CEP128: variants seen among roughly 807,000 people sequenced by gnomAD.
The protein encoded by CEP128 is centrosomal protein 128, also known as centrosomal protein 128kDa.
Under a neutral mutation model 156.7 loss-of-function variants are expected in CEP128, and 132 were observed. The ratio of observed to expected loss-of-function variants is 0.84; its 90% CI spans 0.73 to 0.97. CEP128 has a LOEUF of 0.97. CEP128 is among the 50% of genes least tolerant of loss of function. CEP128 has a pLI of 0.00. For synonymous variants in CEP128, 469 were observed against 448.9 expected, an observed-to-expected ratio of 1.04 and a Z score of -0.57; for missense variants, 1,252 against 1,281.9, an observed-to-expected ratio of 0.98 and a Z score of 0.36.
At chr14:80,664,302 A>G (rs1245379747) in intron 19 of CEP128, among the ~76,000 whole-genome samples, 4 of 152,120 alleles carry the variant, frequency 2.6e-5, no homozygotes, top group Non-Finnish European at 4.4e-5. Context: ...TTCAGGTCAA[A>G]CTCAACCCTT....
chr14:80,787,080 A>G (rs1334619429), intron 14 of CEP128, among the ~76,000 whole-genome samples: 1 of 152,216 alleles, frequency 6.6e-6, no homozygotes, highest in African/African-American at 2.4e-5. Flanking sequence ...GCTTCATAAC[A>G]ATTTCCAACA....
chr14:80,609,162 A>T (rs1892900391), intron 19 of CEP128, among the ~76,000 whole-genome samples: 2 of 152,154 alleles, frequency 1.3e-5, no homozygotes, highest in South Asian at 4.2e-4. Flanking sequence ...ACATAATCAA[A>T]TATTTGTTAT....
chr14:80,955,732 G>T (rs758625628), intron 2 of CEP128: 3 of 1,614,136 alleles, frequency 1.9e-6, no homozygotes, highest in Non-Finnish European at 8.5e-7. Flanking sequence ...CCTGCCCAGG[G>T]ACCTGGGCGG....
chr14:80,816,927 A>C (rs1884893258), intron 13 of CEP128, among the ~76,000 whole-genome samples: 1 of 151,638 alleles, frequency 6.6e-6, no homozygotes, highest in Non-Finnish European at 1.5e-5. Context: ...ATTAAGTTAG[A>C]CTATGGCACA....
intron 9 of CEP128, among the ~76,000 whole-genome samples, chr14:80,855,136 A>G (rs930191199): frequency 6.6e-6 from 1 of 152,142 alleles, no homozygotes; most frequent in African/African-American, 2.4e-5. Context: ...CACTTGCTAC[A>G]CGCATTTTCC....
At chr14:80,801,823 G>A (rs569750835) in intron 13 of CEP128, among the ~76,000 whole-genome samples, 24 of 142,010 alleles carry the variant, frequency 1.7e-4, no homozygotes, top group East Asian at 1.3e-3. Context: ...CAGGAGAATC[G>A]CTTGAACCCA....
chr14:80,617,990 G>A (rs1303435950), intron 19 of CEP128, among the ~76,000 whole-genome samples: 2 of 152,114 alleles, frequency 1.3e-5, no homozygotes, highest in African/African-American at 4.8e-5. Context: ...TATAAAATGG[G>A]GATGGACTAT....
At chr14:80,940,170 A>G (rs12587883) in intron 1 of CEP128, among the ~76,000 whole-genome samples, 21,880 of 150,144 alleles carry the variant, frequency 0.15, 2,147 homozygotes, top group East Asian at 0.47. Flanking sequence ...CCATTTCAAG[A>G]AAAAAAAAAG....
chr14:80,498,925 C>T (rs143045789), intron 24 of CEP128, among the ~76,000 whole-genome samples: 46 of 152,234 alleles, frequency 3.0e-4, no homozygotes, highest in African/African-American at 1.1e-3. Flanking sequence ...GTTTCTGGAG[C>T]GCCTCTAGAG....
At chr14:80,767,754 T>C (rs1337868292) in intron 16 of CEP128, among the ~76,000 whole-genome samples, 1 of 152,158 alleles carries the variant, frequency 6.6e-6, no homozygotes, top group African/African-American at 2.4e-5. Context: ...GTGAGAGCCT[T>C]AGTAAAACAA....
At chr14:80,696,729 G>A (rs1012702215) in intron 19 of CEP128, among the ~76,000 whole-genome samples, 10 of 152,058 alleles carry the variant, frequency 6.6e-5, no homozygotes, top group East Asian at 5.8e-4. Context: ...AAAATGACAC[G>A]TCAGATTTCA....
At chr14:80,888,811 A>T (rs559370615) in intron 8 of CEP128, among the ~76,000 whole-genome samples, 1 of 152,340 alleles carries the variant, frequency 6.6e-6, no homozygotes, top group African/African-American at 2.4e-5. Context: ...AATAAAGGGC[A>T]TTCAAATAGG....
intron 7 of CEP128, among the ~76,000 whole-genome samples, chr14:80,898,271 T>G (rs1312218344): frequency 6.6e-6 from 1 of 152,232 alleles, no homozygotes; most frequent in Non-Finnish European, 1.5e-5. Flanking sequence ...GTTAAACTTT[T>G]TAACTTCCTG....
At chr14:80,684,933 C>A (rs752984951) in intron 19 of CEP128, among the ~76,000 whole-genome samples, 1 of 151,996 alleles carries the variant, frequency 6.6e-6, no homozygotes, top group Non-Finnish European at 1.5e-5. Flanking sequence ...AACTAGGCAT[C>A]GAAGGAACAT....
Position 80,746,482 on chromosome 14 carries a change from T to C in CEP128, c.2614-3215A>G, listed in dbSNP as rs1339247616. Among the ~76,000 whole-genome samples, 8 of 152,198 alleles carry C rather than the reference T, an allele frequency of 5.3e-5. 1 individual carries two copies. The highest frequency in any genetic ancestry group is 1.4e-4 in the African/African-American group (6 of 41,536). ...CAACAAAAGATCCAAAACAATTTCA[T>C]AGAGAAAAGAATAGTCTTACCAACA... On this transcript the variant is annotated intron_variant, in intron 18 of 24. Coordinates refer to ENST00000555265, the MANE Select transcript of CEP128 (RefSeq NM_152446.5).
At chr14:80,952,501 G>T (rs1465475798) in intron 2 of CEP128, among the ~76,000 whole-genome samples, 1 of 151,990 alleles carries the variant, frequency 6.6e-6, no homozygotes, top group African/African-American at 2.4e-5. Context: ...TGTCTCTAAA[G>T]TAGTATAGGG....
chr14:80,618,078 A>C (rs909047797), intron 19 of CEP128, among the ~76,000 whole-genome samples: 1 of 152,222 alleles, frequency 6.6e-6, no homozygotes, highest in Non-Finnish European at 1.5e-5. Context: ...CTTGAGGAGA[A>C]TTATCTTGAT....
chr14:80,849,799 T>C (rs1886795943), intron 9 of CEP128, among the ~76,000 whole-genome samples: 1 of 151,824 alleles, frequency 6.6e-6, no homozygotes. Flanking sequence ...AGAAAATAAA[T>C]ATAACTGGGT....
In CEP128 at chr14:80,904,830, T is replaced by C. The variant is rs201551124; in HGVS notation, c.463A>G (p.Thr155Ala). 8.2e-6 allele frequency: 13 copies of C among 1,583,312 alleles called. No individual in the cohort carries two copies. The highest frequency in any genetic ancestry group is 1.0e-5 in the Non-Finnish European group (12 of 1,152,130). Reference protein sequence around the residue: ...SRTGVRFVQETDDMTQLHGFH... With the variant: ...SRTGVRFVQEADDMTQLHGFH... ...CAAAGTACCTGAGTCATATCATCAG[T>C]CTCTTGAACAAACCGGACACCAGTT... is the stretch of plus-strand genomic sequence containing the variant. Residue 155 changes from threonine (T) to alanine (A), a missense_variant, in exon 6 of 25, where the codon ACT becomes GCT. Physicochemically the swap from Thr to Ala is moderately conservative, Grantham distance 58 (BLOSUM62 0). Transcript: ENST00000555265.
Sources: allele counts gnomAD v4.1 joint callset (sites outside exome capture counted in the v4.1 genomes callset), GRCh38; gene constraint gnomAD v4.1.1; transcripts MANE v1.5; gene names NCBI Gene and HGNC (gene_info 2026-07-23, HGNC 2026-07-21).